Variants in SGCZ observed in about 807,000 individuals in gnomAD.
SGCZ encodes zeta-sarcoglycan.
SGCZ carries 40 observed loss-of-function variants against 41.3 expected under a neutral mutation model. That is an observed-to-expected ratio of 0.97 (90% CI 0.75 to 1.26). The LOEUF is 1.26. Among genes scored for constraint, SGCZ ranks in the 50% most tolerant of loss-of-function variants. The pLI is 0.00. For missense variants in SGCZ, 552 were observed against 369.8 expected (o/e 1.49, Z -4.04); for synonymous variants, 206 against 137.5 (o/e 1.50, Z -3.49).
intron 1 of SGCZ, among the ~76,000 whole-genome samples, chr8:15,184,622 G>A (rs1013122745): frequency 6.6e-6 from 1 of 152,060 alleles, no homozygotes; most frequent in Non-Finnish European, 1.5e-5. Flanking sequence ...GGAGTCCCCA[G>A]CAGGAAACTG....
chr8:14,608,322 G>A (rs764511598), intron 1 of SGCZ, among the ~76,000 whole-genome samples: 1 of 151,686 alleles, frequency 6.6e-6, no homozygotes, highest in Non-Finnish European at 1.5e-5. Context: ...ACTTGAGGCT[G>A]GGTAATTTAT....
chr8:14,592,519 T>G (rs1805273010), intron 1 of SGCZ, among the ~76,000 whole-genome samples: 1 of 152,158 alleles, frequency 6.6e-6, no homozygotes, highest in African/African-American at 2.4e-5. Context: ...TCAATTTTTT[T>G]TCATCAGCCT....
At chr8:15,231,539 A>G (rs1191592363) in intron 1 of SGCZ, among the ~76,000 whole-genome samples, 3 of 151,050 alleles carry the variant, frequency 2.0e-5, no homozygotes, top group African/African-American at 4.9e-5. Context: ...AGATAAACCC[A>G]TGTTTCTAGA....
At chr8:14,595,438 CA>C in intron 1 of SGCZ, among the ~76,000 whole-genome samples, 1 of 148,044 alleles carries the variant, frequency 6.8e-6, no homozygotes, top group East Asian at 2.2e-4. Flanking sequence ...CACACACACA[CA>C]CACCATGTAC....
chr8:14,136,348 A>G (rs1376153084), intron 5 of SGCZ, among the ~76,000 whole-genome samples: 3 of 152,214 alleles, frequency 2.0e-5, no homozygotes, highest in Non-Finnish European at 4.4e-5. Context: ...AGGGTGGGGC[A>G]TCACCTTACA....
At chr8:14,361,157 A>C (rs551654186) in intron 2 of SGCZ, among the ~76,000 whole-genome samples, 5 of 152,226 alleles carry the variant, frequency 3.3e-5, no homozygotes, top group Admixed American at 2.6e-4. Flanking sequence ...CTGAGTTTTG[A>C]ACATTCTTTA....
chr8:14,609,124 A>C (rs1805847264), intron 1 of SGCZ, among the ~76,000 whole-genome samples: 1 of 152,172 alleles, frequency 6.6e-6, no homozygotes, highest in Non-Finnish European at 1.5e-5. Flanking sequence ...TTTTTAGGGA[A>C]GATAATGTCA....
intron 1 of SGCZ, among the ~76,000 whole-genome samples, chr8:14,721,231 G>T (rs1809877100): frequency 1.3e-5 from 2 of 152,054 alleles, no homozygotes; most frequent in Admixed American, 6.6e-5. Flanking sequence ...CTAGTTCCAT[G>T]GTTTTAAATA....
At chr8:15,060,088 A>T (rs545220278) in intron 1 of SGCZ, among the ~76,000 whole-genome samples, 1 of 152,310 alleles carries the variant, frequency 6.6e-6, no homozygotes, top group South Asian at 2.1e-4. Context: ...GAACTAGTTC[A>T]ACCATTGTGG....
intron 6 of SGCZ, among the ~76,000 whole-genome samples, chr8:14,107,634 T>C (rs1802247100): frequency 6.6e-6 from 1 of 152,084 alleles, no homozygotes; most frequent in Non-Finnish European, 1.5e-5. Flanking sequence ...TTTGTTTTTG[T>C]ATTGTGTTTT....
At chr8:14,663,171 G>A (rs1807809346) in intron 1 of SGCZ, among the ~76,000 whole-genome samples, 1 of 151,994 alleles carries the variant, frequency 6.6e-6, no homozygotes, top group Non-Finnish European at 1.5e-5. Flanking sequence ...AAAAACTAAT[G>A]GAATTTCCTT....
intron 2 of SGCZ, among the ~76,000 whole-genome samples, chr8:14,491,941 G>A (rs113049912): frequency 0.018 from 2,678 of 150,100 alleles, 37 homozygotes; most frequent in Middle Eastern, 0.034. Flanking sequence ...CTAGCCATTA[G>A]TTACTCAGAA....
At chr8:14,493,516 C>T (rs546007049) in intron 2 of SGCZ, among the ~76,000 whole-genome samples, 1 of 151,128 alleles carries the variant, frequency 6.6e-6, no homozygotes, top group South Asian at 2.1e-4. Flanking sequence ...TACAGGTGTG[C>T]ACTACCACAC....
intron 1 of SGCZ, among the ~76,000 whole-genome samples, chr8:14,745,042 C>A (rs917797981): frequency 2.6e-5 from 4 of 152,162 alleles, no homozygotes; most frequent in Non-Finnish European, 1.5e-5. Flanking sequence ...GATATTTACT[C>A]TGTATAACGT....
intron 1 of SGCZ, among the ~76,000 whole-genome samples, chr8:15,212,911 T>C (rs1801280876): frequency 6.6e-6 from 1 of 152,080 alleles, no homozygotes; most frequent in Non-Finnish European, 1.5e-5. Flanking sequence ...ATATAACTGA[T>C]CACAGATCTG....
chr8:15,207,035 C>T (rs973588371), intron 1 of SGCZ, among the ~76,000 whole-genome samples: 4 of 152,138 alleles, frequency 2.6e-5, no homozygotes, highest in Non-Finnish European at 4.4e-5. Context: ...TCAGCAACTA[C>T]AAGACGAAGG....
At chr8:14,382,710 G>C (rs182898268) in intron 2 of SGCZ, among the ~76,000 whole-genome samples, 1 of 152,332 alleles carries the variant, frequency 6.6e-6, no homozygotes, top group Admixed American at 6.5e-5. Context: ...TGCCACACTA[G>C]TGTGAATGGG....
intron 1 of SGCZ, among the ~76,000 whole-genome samples, chr8:15,064,330 TG>T (rs2131016219): frequency 6.6e-6 from 1 of 152,248 alleles, no homozygotes; most frequent in African/African-American, 2.4e-5. Context: ...CATCATTTTT[TG>T]TCACTCAACC....
chr8:14,763,439 C>T (rs556131997), intron 1 of SGCZ, among the ~76,000 whole-genome samples: 15 of 152,286 alleles, frequency 9.8e-5, no homozygotes, highest in South Asian at 6.2e-4. Context: ...TCCATCTCTG[C>T]GCCCTACAAC....
Sources: allele counts gnomAD v4.1 joint callset (sites outside exome capture counted in the v4.1 genomes callset), GRCh38; gene constraint gnomAD v4.1.1; transcripts MANE v1.5; gene names NCBI Gene and HGNC (gene_info 2026-07-23, HGNC 2026-07-21).